Variants in MGAM observed in about 807,000 individuals in gnomAD.
MGAM encodes the protein maltase-glucoamylase, also known as alpha-1,4-glucosidase.
MGAM carries 253 observed loss-of-function variants against 358.8 expected under a neutral mutation model. The ratio of observed to expected loss-of-function variants is 0.71; its 90% confidence interval spans 0.64 to 0.78. MGAM has a LOEUF of 0.78. MGAM is among the 30% of genes least tolerant of loss of function. The probability of loss-of-function intolerance (pLI) is 0.00; values close to 1 mark genes in which losing one functional copy is unlikely to be tolerated. For missense variants in MGAM, 3,080 were observed against 3,432.6 expected (o/e 0.90, Z 2.57); for synonymous variants, 1,105 against 1,227.1 (o/e 0.90, Z 2.08).
intron 24 of MGAM, among the ~76,000 whole-genome samples, chr7:142,051,983 T>C (rs1811019116): frequency 6.6e-6 from 1 of 152,104 alleles, no homozygotes; most frequent in South Asian, 2.1e-4. Flanking sequence ...ACATCATGTG[T>C]CATCTCACAG....
chr7:142,033,994 C>A (rs1563134195), intron 14 of MGAM, among the ~76,000 whole-genome samples: 1 of 152,210 alleles, frequency 6.6e-6, no homozygotes, highest in Non-Finnish European at 1.5e-5. Context: ...GAACCTCAGG[C>A]CTGAATGAAT....
At chr7:142,067,250 T>C (rs1812844808) in intron 41 of MGAM, 91 bp from the exon 42 acceptor site, 3 of 1,079,472 alleles carry the variant, frequency 2.8e-6, no homozygotes, top group Non-Finnish European at 2.8e-6. Context: ...CAGCTGTATT[T>C]CCGACTTGGA....
At chr7:142,042,719 ATATAT>A (rs1413185600) in intron 21 of MGAM, among the ~76,000 whole-genome samples, 1 of 70,544 alleles carries the variant, frequency 1.4e-5, no homozygotes, top group East Asian at 4.1e-4. Context: ...AATATATTAC[ATATAT>A]TATATATACA....
intron 8 of MGAM, 32 bp from the exon 9 acceptor site, chr7:142,027,083 A>C: frequency 6.6e-7 from 1 of 1,504,490 alleles, no homozygotes; most frequent in East Asian, 2.3e-5. Context: ...ATCAATTCTG[A>C]TTTTTATTTT....
chr7:142,084,732 T>C (rs2961051), intron 54 of MGAM, 88 bp downstream of exon 54: 1 of 1,448,826 alleles, frequency 6.9e-7, no homozygotes, highest in African/African-American at 1.4e-5. Flanking sequence ...TGTGAGATTC[T>C]ATAAAGACAT....
chr7:142,014,279 G>A (rs1554455310), intron 3 of MGAM, among the ~76,000 whole-genome samples: 1 of 152,098 alleles, frequency 6.6e-6, no homozygotes, highest in East Asian at 1.9e-4. Flanking sequence ...GCAAAATATG[G>A]AATGTTTTCA....
At chr7:142,088,676 A>G (rs1287763279) in intron 57 of MGAM, among the ~76,000 whole-genome samples, 2 of 141,018 alleles carry the variant, frequency 1.4e-5, no homozygotes, top group African/African-American at 5.0e-5. Flanking sequence ...CTATCTATCT[A>G]TCTATCTATC....
Position 142,065,636 on chromosome 7 carries a change from G to A in MGAM, c.4653+14G>A. On this transcript the variant is annotated intron_variant, in intron 39 of 70. Coordinates refer to ENST00000475668, the MANE Select transcript of MGAM (RefSeq NM_001365693.1). ...GGCATATCCTATGTGAGTGTCCTTG[G>A]GATCCTCCTAAGCACCAAGAAGGTG... 1 of 1,613,268 alleles carries A rather than the reference G, an allele frequency of 6.2e-7. No individual in the cohort carries two copies. The highest frequency in any genetic ancestry group is 8.5e-7 in the Non-Finnish European group (1 of 1,179,736).
At position 142,083,793 on chromosome 7, in the gene MGAM, G is replaced by T. The variant is rs1216531059; in HGVS notation, c.6381+380G>T. On this transcript the variant is annotated intron_variant, in intron 53 of 70. Transcript: ENST00000475668. The stretch of plus-strand genomic sequence containing the variant: ...TGGTGTTGGTGATGGTGATGATAGT[G>T]GTGGGGGTGGTGTTGATGGGAGTGT... Among the ~76,000 whole-genome samples, 11 of 144,362 alleles carry T rather than the reference G, an allele frequency of 7.6e-5. 1 individual carries two copies. Among genetic ancestry groups the T allele is most frequent in the African/African-American group, 2.7e-4 (11 of 40,912 alleles). 94.7% of individuals were successfully genotyped at this position (144,362 alleles called of 152,430 possible). A position where few individuals can be genotyped will look rare whatever the true frequency, so the allele number is the denominator to read the frequency against.
intron 69 of MGAM, 113 bp from the exon 70 acceptor site, chr7:142,103,156 A>G (rs1466031218): frequency 1.2e-6 from 1 of 866,946 alleles, no homozygotes; most frequent in East Asian, 2.7e-5. Context: ...AAGTTACAAG[A>G]TGGTGACTCT....
At chr7:142,042,175 TATAAC>T (rs1456101797) in intron 21 of MGAM, among the ~76,000 whole-genome samples, 3 of 2,414 alleles carry the variant, frequency 1.2e-3, no homozygotes, top group African/African-American at 3.1e-3. Flanking sequence ...ATATATAATA[TATAAC>T]ATATTATATA....
Position 142,060,190 on chromosome 7 carries a change from C to A in MGAM, c.4060-121C>A. The A allele has an allele frequency of 2.8e-6, 4 of 1,411,222 alleles. 1 individual carries two copies. Among genetic ancestry groups the A allele is most frequent in the South Asian group, 2.4e-5 (2 of 82,486 alleles). 87.4% of individuals were successfully genotyped at this position (1,411,222 alleles called of 1,614,324 possible). A position where few individuals can be genotyped will look rare whatever the true frequency, so the allele number is the denominator to read the frequency against. On this transcript the variant is annotated intron_variant, in intron 33 of 70. Transcript: ENST00000475668. Reference sequence around the variant, plus strand: ...GAGTTCACTTTTCTTTTATGTCAATCCTATGTGATAGTCAAAGTATTATTG... The same window carrying A: ...GAGTTCACTTTTCTTTTATGTCAATACTATGTGATAGTCAAAGTATTATTG...
In MGAM at chr7:142,106,430, CAG is replaced by C. The variant is rs2129070067; in HGVS notation, c.*541_*542del. 1 of 152,288 alleles carries C rather than the reference CAG, an allele frequency of 6.6e-6. No homozygotes were observed. Among genetic ancestry groups the C allele is most frequent in the South Asian group, 2.1e-4 (1 of 4,808 alleles). 9.4% of individuals were successfully genotyped at this position (152,288 alleles called of 1,614,324 possible). ...AAACACAAGGAAAGATCAGATGAAA[CAG>C]AAGATGATAGTAAAAGTGATCCTAA... On this transcript the variant is annotated 3_prime_UTR_variant, in exon 71 of 71. Coordinates refer to ENST00000475668, the MANE Select transcript of MGAM (RefSeq NM_001365693.1).
rs554251913 is a variant in MGAM, at chr7:142,048,266, T to C, written c.2587+393T>C. Among the ~76,000 whole-genome samples the C allele has an allele frequency of 3.3e-5, 5 of 151,466 alleles. No homozygotes were observed. In the South Asian group the frequency reaches 1.0e-3, roughly 32 times the overall value. On this transcript the variant is annotated intron_variant, in intron 22 of 70. Coordinates refer to ENST00000475668, the MANE Select transcript of MGAM (RefSeq NM_001365693.1). The stretch of plus-strand genomic sequence containing the variant: ...CTCCCAGGCTCAAGTGATTCTTCTG[T>C]CTCAGCCTCCCGCGTAGGACTACAG...
In MGAM at chr7:142,084,463, AAACTT is replaced by A. The variant is rs1814588005; in HGVS notation, c.6382-55_6382-51del. 3 of 1,513,342 alleles carry A rather than the reference AAACTT, an allele frequency of 2.0e-6. 1 individual carries two copies. In the East Asian group the frequency reaches 6.9e-5, roughly 35 times the overall value. 93.7% of individuals were successfully genotyped at this position (1,513,342 alleles called of 1,614,324 possible). On this transcript the variant is annotated intron_variant, in intron 53 of 70. Coordinates refer to ENST00000475668, the MANE Select transcript of MGAM (RefSeq NM_001365693.1). ...AAAAATATTCTTATTACTTGATGTA[AAACTT>A]CAATCTGGTGTCTCTGTTCTGAGGA... is the stretch of plus-strand genomic sequence containing the variant.
At chr7:142,047,739 A>C in intron 21 of MGAM, 46 bp from the exon 22 acceptor site, 1 of 1,557,468 alleles carries the variant, frequency 6.4e-7, no homozygotes, top group Non-Finnish European at 8.9e-7. Flanking sequence ...CGGCTGGCAA[A>C]ATTCTCTGAC....
chr7:142,080,774 GT>G lies in MGAM; in HGVS notation c.5848-13del. ...AAGAGTAGTATTCTTGCCTAAAATC[GT>G]TTTCCTCTGGCCTAGATTTATGATC... On this transcript the variant is annotated splice_polypyrimidine_tract_variant and intron_variant, in intron 49 of 70. Transcript: ENST00000475668. 6.5e-7 allele frequency: 1 copy of G among 1,541,506 alleles called. No homozygotes were observed.
At chr7:142,045,191 T>C (rs1289725702) in intron 21 of MGAM, among the ~76,000 whole-genome samples, 1 of 74,566 alleles carries the variant, frequency 1.3e-5, no homozygotes, top group African/African-American at 4.7e-5. Flanking sequence ...ATATATGATA[T>C]ATAATATATA....
In MGAM at chr7:142,094,790, A is replaced by T; in HGVS notation, c.7385A>T (p.Glu2462Val). The T allele has an allele frequency of 6.2e-7, 1 of 1,613,762 alleles. No individual in the cohort carries two copies. Among genetic ancestry groups the T allele is most frequent in the Non-Finnish European group, 8.5e-7 (1 of 1,179,850 alleles). Reference sequence around the variant, plus strand: ...GGGTTCTTTCAAGATGCTGAATATGAGATGTGTGTTCGCTGGATGCAGCTG... The same window carrying T: ...GGGTTCTTTCAAGATGCTGAATATGTGATGTGTGTTCGCTGGATGCAGCTG... ...ICGFFQDAEY[E>V]MCVRWMQLGA... The change falls in exon 63 of 71, where the codon GAG (glutamate) becomes GTG (valine). Residue 2462 changes from glutamate to valine, a missense_variant. Around this residue, in one of 5 missense-constraint regions of MGAM, gnomAD observed 932 missense variants for 1,198.2 expected, o/e 0.78. Coordinates refer to ENST00000475668, the MANE Select transcript of MGAM (RefSeq NM_001365693.1).
Sources: gnomAD v4.1 joint callset for allele counts (sites outside exome capture counted in the v4.1 genomes callset) on GRCh38, gnomAD v4.1.1 for gene constraint, gnomAD v4.1.1 regional missense constraint, MANE v1.5 for transcripts, NCBI Gene and HGNC (gene_info 2026-07-23, HGNC 2026-07-21) for gene names.